Variants in TNK2 observed in about 807,000 individuals in gnomAD.
The protein encoded by TNK2 is activated CDC42 kinase 1.
In TNK2, 83 loss-of-function variants were observed where a neutral mutation model predicts 101.8. The observed-to-expected ratio is 0.82, with a 90% CI of 0.68 to 0.98. TNK2 has a LOEUF of 0.98. Among genes scored for constraint, TNK2 ranks in the 50% least tolerant of loss-of-function variants. TNK2 has a pLI of 0.00. For synonymous variants in TNK2, 804 were observed against 633.0 expected (o/e 1.27, Z -4.06); for missense variants, 1,665 against 1,483.2 (o/e 1.12, Z -2.01).
intron 10 of TNK2, chr3:195,870,549 T>C (rs1744401503): frequency 3.8e-6 from 2 of 521,510 alleles, no homozygotes; most frequent in Non-Finnish European, 3.0e-6. Context: ...CAGGCCACGA[T>C]GGAGGGCCTA....
At chr3:195,871,328 T>C (rs991479929) in intron 10 of TNK2, among the ~76,000 whole-genome samples, 2 of 152,004 alleles carry the variant, frequency 1.3e-5, no homozygotes, top group Non-Finnish European at 2.9e-5. Flanking sequence ...TAGAGTACTG[T>C]GTGGTGGGGA....
At chr3:195,872,550 A>G in intron 9 of TNK2, 80 bp from the exon 10 acceptor site, 1 of 1,420,310 alleles carries the variant, frequency 7.0e-7, no homozygotes, top group Admixed American at 2.4e-5. Context: ...CACCCTGGCC[A>G]CTGTGGCAGA....
At chr3:195,884,629 G>T in intron 4 of TNK2, 183 bp downstream of exon 4, 1 of 599,908 alleles carries the variant, frequency 1.7e-6, no homozygotes, top group South Asian at 2.4e-5. Flanking sequence ...GGGCGACAGA[G>T]CGAGACTCCA....
At position 195,867,908 on chromosome 3, in the gene TNK2, TCCCGCGGAGGCA is replaced by T. The variant is rs1300788954; in HGVS notation, c.2378_2389del (p.Val793_Arg796del). On this transcript the variant is annotated inframe_deletion, in exon 13 of 16. Coordinates refer to ENST00000672887, the MANE Select transcript of TNK2 (RefSeq NM_001382273.1). Reference sequence around the variant, plus strand: ...CCTCGAGCCTTGAGGGGACAGGGGCTCCCGCGGAGGCACCCGGGGAGGGGAAGCAGGTCCAGG... The same window carrying T: ...CCTCGAGCCTTGAGGGGACAGGGGCTCCCGGGGAGGGGAAGCAGGTCCAGG... The T allele has an allele frequency of 1.1e-5, 17 of 1,529,570 alleles. No individual in the cohort carries two copies. The highest frequency in any genetic ancestry group is 3.5e-4 in the Middle Eastern group (2 of 5,720). The allele number at this position is 1,529,570 out of a possible 1,614,324, so 94.7% of individuals were successfully genotyped here.
At position 195,888,561 on chromosome 3, in the gene TNK2, G is replaced by C. The variant is rs1361175510; in HGVS notation, c.28C>G (p.Leu10Val). ...TGCACCTCGGACAGCAGCTCCAGCA[G>C]CCAGCCTGTGCCCTCCTCTGGCTGC... MQPEEGTGWLLELLSEVQLQ... is the reference protein window; with the variant it reads MQPEEGTGWVLELLSEVQLQ... The change falls in exon 2 of 16, where the codon CTG (leucine) becomes GTG (valine). Residue 10 changes from leucine (L) to valine (V), a missense_variant. Physicochemically the swap from Leu to Val is conservative, Grantham distance 32 (BLOSUM62 1). This residue lies in a region of TNK2 where 490 missense variants were observed against 522.5 expected (regional missense o/e 0.94). Coordinates refer to ENST00000672887, the MANE Select transcript of TNK2 (RefSeq NM_001382273.1). The surrounding 1 kb of genome is among the most constrained non-coding windows in gnomAD (Gnocchi z 5.3). 2 of 1,612,234 alleles carry C rather than the reference G, an allele frequency of 1.2e-6. No homozygotes were observed. Among genetic ancestry groups the C allele is most frequent in the Non-Finnish European group, 1.7e-6 (2 of 1,179,830 alleles).
At chr3:195,895,275 G>A (rs1209702298) in intron 1 of TNK2, 5 of 1,557,536 alleles carry the variant, frequency 3.2e-6, no homozygotes, top group Middle Eastern at 1.7e-4. Context: ...CCAGCCAGGC[G>A]CTGGTAAGCA....
chr3:195,902,629 A>C (rs58321048), intron 1 of TNK2, among the ~76,000 whole-genome samples: 14,980 of 137,508 alleles, frequency 0.11, 1,054 homozygotes, highest in East Asian at 0.35. Flanking sequence ...AAAAAAAAAA[A>C]CAAAAAAAAA....
At position 195,868,607 on chromosome 3, in the gene TNK2, G is replaced by A. The variant is rs772037104; in HGVS notation, c.1691C>T (p.Ala564Val). ...GCCCGGCACCCGCGCCGAGGGCTTCGCCAGCCACAGCCCTCGGGGCAGGCC... is the reference window on the plus strand; with the variant it reads ...GCCCGGCACCCGCGCCGAGGGCTTCACCAGCCACAGCCCTCGGGGCAGGCC... ...KPGLPRGLWL[A>V]KPSARVPGTK... Residue 564 changes from alanine (A) to valine (V), a missense_variant, in exon 13 of 16, where the codon GCG (alanine) becomes GTG (valine). By Grantham distance (64) the Ala-to-Val change is moderately conservative. Around this residue, in one of 3 missense-constraint regions of TNK2, gnomAD observed 1,136 missense variants for 894.9 expected, o/e 1.27. Coordinates refer to ENST00000672887, the MANE Select transcript of TNK2 (RefSeq NM_001382273.1). The A allele has an allele frequency of 2.2e-5, 35 of 1,579,874 alleles. No homozygotes were observed. The highest frequency in any genetic ancestry group is 2.7e-5 in the Non-Finnish European group (32 of 1,172,524).
At chr3:195,892,494 C>A (rs922779661) in intron 1 of TNK2, 1 of 1,535,234 alleles carries the variant, frequency 6.5e-7, no homozygotes, top group Non-Finnish European at 8.7e-7. Context: ...GGCATCTCCA[C>A]GCAGCGGGAC....
chr3:195,907,301 C>T (rs1175377193), intron 1 of TNK2, among the ~76,000 whole-genome samples: 1 of 152,202 alleles, frequency 6.6e-6, no homozygotes, highest in Admixed American at 6.5e-5. Flanking sequence ...AGCTGACAGG[C>T]GGGTTTGAGT....
intron 6 of TNK2, among the ~76,000 whole-genome samples, chr3:195,879,698 G>A (rs757482626): frequency 1.3e-5 from 2 of 152,166 alleles, no homozygotes; most frequent in African/African-American, 2.4e-5. Flanking sequence ...AAGTGCCACT[G>A]CAGTGAGGTC....
Position 195,867,922 on chromosome 3 carries a change from C to A in TNK2, c.2376G>T (p.Arg792=). Residue 792 remains arginine (R), a synonymous_variant, in exon 13 of 16, where the codon CGG becomes CGT. Transcript: ENST00000672887. ...GGGACAGGGGCTCCCGCGGAGGCAC[C>A]CGGGGAGGGGAAGCAGGTCCAGGCC... The part of the protein sequence containing the change: ...SQWPGPASPP[R]VPPREPLSPQ... 1 of 1,533,144 alleles carries A rather than the reference C, an allele frequency of 6.5e-7. No homozygotes were observed. The highest frequency in any genetic ancestry group is 2.3e-5 in the Admixed American group (1 of 42,688). 95.0% of individuals were successfully genotyped at this position (1,533,144 alleles called of 1,614,324 possible).
At position 195,878,013 on chromosome 3, in the gene TNK2, C is replaced by T. The variant is rs1750395922; in HGVS notation, c.1256+240G>A. Among the ~76,000 whole-genome samples the T allele has an allele frequency of 6.6e-6, 1 of 152,022 alleles. No individual in the cohort carries two copies. The highest frequency in any genetic ancestry group is 2.1e-4 in the South Asian group (1 of 4,816). ...ACCCCTCCATAAAGGCAGCCTGGCC[C>T]AACCACACAGCCAGGGCTGCAGCCC... On this transcript the variant is annotated intron_variant, in intron 9 of 15. Coordinates refer to ENST00000672887, the MANE Select transcript of TNK2 (RefSeq NM_001382273.1). The surrounding 1 kb of genome is among the most constrained non-coding windows in gnomAD (Gnocchi z 4.7).
chr3:195,895,728 G>A (rs1305483527), intron 1 of TNK2, among the ~76,000 whole-genome samples: 1 of 152,080 alleles, frequency 6.6e-6, no homozygotes, highest in Non-Finnish European at 1.5e-5. Flanking sequence ...GGGGATTCAC[G>A]AGTCCCCCGT....
Position 195,884,810 on chromosome 3 carries a change from A to AC in TNK2, c.456+1dup. 6.2e-7 allele frequency: 1 copy of AC among 1,607,400 alleles called. No homozygotes were observed. Among genetic ancestry groups the AC allele is most frequent in the Non-Finnish European group, 8.5e-7 (1 of 1,177,948 alleles). Reference sequence around the variant, plus strand: ...TGCGCTGGCAGGACACAGAGAGCTCACCGTCTTCCCTGAGGGCGCGTCCCA... The same window carrying AC: ...TGCGCTGGCAGGACACAGAGAGCTCACCCGTCTTCCCTGAGGGCGCGTCCCA... On this transcript the variant is annotated splice_donor_variant, in intron 4 of 15. Transcript: ENST00000672887. LOFTEE classifies it high-confidence loss of function.
At chr3:195,895,692 G>T in intron 1 of TNK2, 1 of 909,444 alleles carries the variant, frequency 1.1e-6, no homozygotes, top group Non-Finnish European at 1.5e-6. Context: ...CGCCTCCAGG[G>T]CCCCAGAGCC....
rs1040431792 is a variant in TNK2 at position 195,885,692 on chromosome 3, A to T, written c.235-659T>A. The T allele has an allele frequency of 2.8e-5, 23 of 825,476 alleles. No individual in the cohort carries two copies. Among genetic ancestry groups the T allele is most frequent in the Non-Finnish European group, 3.4e-5 (20 of 579,758 alleles). 51.1% of individuals were successfully genotyped at this position (825,476 alleles called of 1,614,324 possible). On this transcript the variant is annotated intron_variant, in intron 3 of 15. Transcript: ENST00000672887. This position sits in a 1 kb window ranked among gnomAD's most constrained non-coding sequence, Gnocchi z 4.7. ...AGAGCTGAGGGCTGAGACGGAAGGA[A>T]AAGTGGAGGAGACTCGGAGGCCAGG...
At chr3:195,869,359 G>A (rs575480187) in intron 12 of TNK2, 138 bp downstream of exon 12, 122 of 956,718 alleles carry the variant, frequency 1.3e-4, no homozygotes, top group Non-Finnish European at 1.7e-4. Flanking sequence ...GCTAGGCCAG[G>A]GCAGCCGCGG....
intron 11 of TNK2, 72 bp downstream of exon 11, chr3:195,870,041 TG>T: frequency 8.7e-7 from 1 of 1,146,376 alleles, no homozygotes; most frequent in Non-Finnish European, 1.2e-6. Flanking sequence ...AGCCTTAGGG[TG>T]GCCTGTGAAG....
Sources: allele counts gnomAD v4.1 joint callset (sites outside exome capture counted in the v4.1 genomes callset), GRCh38; gene constraint gnomAD v4.1.1; regional missense constraint gnomAD v4.1.1; non-coding constraint Gnocchi (gnomAD v3.1); transcripts MANE v1.5; gene names NCBI Gene and HGNC (gene_info 2026-07-23, HGNC 2026-07-21).